The following ACTL8 variants were observed in gnomAD, a reference collection of about 807,000 sequenced individuals.
ACTL8 encodes the protein actin like 8.
In ACTL8, 3 loss-of-function variants were observed where a neutral mutation model predicts 9.3. The observed-to-expected ratio is 0.32, with a 90% confidence interval of 0.15 to 0.83. ACTL8 has a LOEUF of 0.83. ACTL8 is among the 40% of genes least tolerant of loss of function. ACTL8 has a pLI of 0.57. For missense variants in ACTL8, 381 were observed against 492.2 expected (o/e 0.77, Z 2.14); for synonymous variants, 224 against 205.9 (o/e 1.09, Z -0.75).
intron 1 of ACTL8, among the ~76,000 whole-genome samples, chr1:17,768,698 G>A (rs888457419): frequency 5.3e-5 from 8 of 152,206 alleles, no homozygotes; most frequent in African/African-American, 1.9e-4. Flanking sequence ...CCTGGAATAG[G>A]AGGGGCGTTT....
intron 1 of ACTL8, among the ~76,000 whole-genome samples, chr1:17,812,967 A>G (rs1208734506): frequency 6.6e-6 from 1 of 152,254 alleles, no homozygotes; most frequent in Admixed American, 6.5e-5. Context: ...TATATAAAAT[A>G]TAATTGGTTT....
chr1:17,791,238 C>T (rs1454781397), intron 1 of ACTL8, among the ~76,000 whole-genome samples: 1 of 152,176 alleles, frequency 6.6e-6, no homozygotes, highest in Admixed American at 6.5e-5. Context: ...CCCCAGCTCC[C>T]GCCAGCTCCA....
At chr1:17,764,259 C>T (rs939352448) in intron 1 of ACTL8, among the ~76,000 whole-genome samples, 15 of 152,062 alleles carry the variant, frequency 9.9e-5, no homozygotes, top group African/African-American at 1.9e-4. Context: ...GTGCACAGGC[C>T]GGCCCCTGCT....
rs1383914234 is a variant in ACTL8 at position 17,823,191 on chromosome 1, C to T, written c.183C>T (p.Asp61=). Residue 61 remains aspartate (D), a synonymous_variant, in exon 2 of 3, where the codon GAC becomes GAT. Transcript: ENST00000375406. The surrounding 1 kb of genome is among the most constrained non-coding windows in gnomAD (Gnocchi z 5.3). The part of the protein sequence containing the change: ...VSLGIDICHP[D]TFSYPIERGR... ...TGGGCATCGACATTTGCCATCCTGACACCTTTAGCTACCCCATCGAGCGGG... is the reference window on the plus strand; with the variant it reads ...TGGGCATCGACATTTGCCATCCTGATACCTTTAGCTACCCCATCGAGCGGG... The T allele has an allele frequency of 6.2e-7, 1 of 1,614,222 alleles. No homozygotes were observed. Among genetic ancestry groups the T allele is most frequent in the Non-Finnish European group, 8.5e-7 (1 of 1,180,046 alleles).
intron 1 of ACTL8, among the ~76,000 whole-genome samples, chr1:17,757,806 G>A (rs1439009689): frequency 2.0e-5 from 3 of 152,146 alleles, no homozygotes; most frequent in East Asian, 1.9e-4. Flanking sequence ...GCATTGATAC[G>A]GGCACACTCA....
At chr1:17,764,587 G>T (rs1374898133) in intron 1 of ACTL8, among the ~76,000 whole-genome samples, 1 of 150,948 alleles carries the variant, frequency 6.6e-6, no homozygotes, top group Non-Finnish European at 1.5e-5. Flanking sequence ...CCCCCCCACA[G>T]CATCTCTCAT....
At chr1:17,801,968 C>G (rs2066325609) in intron 1 of ACTL8, among the ~76,000 whole-genome samples, 2 of 152,082 alleles carry the variant, frequency 1.3e-5, no homozygotes, top group Non-Finnish European at 2.9e-5. Flanking sequence ...TCGAAATGTT[C>G]CCAAGCTGCA....
intron 1 of ACTL8, among the ~76,000 whole-genome samples, chr1:17,821,811 A>G (rs996975866): frequency 1.3e-5 from 2 of 152,142 alleles, no homozygotes; most frequent in African/African-American, 4.8e-5. Context: ...CTTCTAGTAG[A>G]GATGGGGTTT....
intron 1 of ACTL8, among the ~76,000 whole-genome samples, chr1:17,763,134 C>T (rs1055566990): frequency 6.6e-6 from 1 of 152,102 alleles, no homozygotes; most frequent in Non-Finnish European, 1.5e-5. Context: ...CCTGCGGGTC[C>T]CCAGACACTG....
rs368342276 is a variant in ACTL8 at position 17,798,952 on chromosome 1, CTCTG to C, written c.-24-24028_-24-24025del. Among the ~76,000 whole-genome samples the C allele has an allele frequency of 5.0e-3, 760 of 152,358 alleles. 7 individuals carry two copies. The highest frequency in any genetic ancestry group is 0.017 in the African/African-American group (690 of 41,578). ...ATCTACCCCACACGCTGTTTGAAAGCTCTGTCTGCACTGCTGTGAAGTCCACTCA... is the reference window on the plus strand; with the variant it reads ...ATCTACCCCACACGCTGTTTGAAAGCTCTGCACTGCTGTGAAGTCCACTCA... On this transcript the variant is annotated intron_variant, in intron 1 of 2. Coordinates refer to ENST00000375406, the MANE Select transcript of ACTL8 (RefSeq NM_030812.3).
chr1:17,805,377 C>CTTTTTTTTTTTTTTTTT (rs56870755), intron 1 of ACTL8, among the ~76,000 whole-genome samples: 5 of 100,198 alleles, frequency 5.0e-5, no homozygotes, highest in African/African-American at 8.9e-5. Context: ...TTTTCTTTTT[C>CTTTTTTTTTTTTTTTTT]TTTTTTTTTT....
chr1:17,780,849 C>T (rs1313431980), intron 1 of ACTL8, among the ~76,000 whole-genome samples: 2 of 152,112 alleles, frequency 1.3e-5, no homozygotes, highest in African/African-American at 2.4e-5. Context: ...CCTGGACATT[C>T]AGATTTGGCA....
chr1:17,799,018 C>T (rs1227223912), intron 1 of ACTL8, among the ~76,000 whole-genome samples: 1 of 152,198 alleles, frequency 6.6e-6, no homozygotes, highest in Non-Finnish European at 1.5e-5. Context: ...CTGGCTCAGC[C>T]TCTCCCTAAG....
intron 1 of ACTL8, among the ~76,000 whole-genome samples, chr1:17,822,280 T>C (rs982477339): frequency 1.3e-5 from 2 of 152,286 alleles, no homozygotes; most frequent in African/African-American, 4.8e-5. Flanking sequence ...TCTTCATCTG[T>C]AAAGTGGACG....
At chr1:17,788,512 A>G (rs2066214641) in intron 1 of ACTL8, among the ~76,000 whole-genome samples, 1 of 152,232 alleles carries the variant, frequency 6.6e-6, no homozygotes, top group African/African-American at 2.4e-5. Context: ...ACTGCCTGCC[A>G]TGGACGGCCT....
rs141035997 is a variant in ACTL8, at chr1:17,772,295, G to C, written c.-25+16791G>C. Among the ~76,000 whole-genome samples the C allele has an allele frequency of 3.6e-4, 55 of 152,294 alleles. No homozygotes were observed. The East Asian group carries it at 0.01, about 28-fold the overall frequency. ...GCACTTTGGATCGGGAGTTATGAGC[G>C]GTGGGAGGGTCTTTTCTAGATAGGG... On this transcript the variant is annotated intron_variant, in intron 1 of 2. Coordinates refer to ENST00000375406, the MANE Select transcript of ACTL8 (RefSeq NM_030812.3).
chr1:17,759,242 T>G (rs1426466450), intron 1 of ACTL8, among the ~76,000 whole-genome samples: 1 of 152,226 alleles, frequency 6.6e-6, no homozygotes, highest in Non-Finnish European at 1.5e-5. Flanking sequence ...TTTCTCCCTG[T>G]CCAGGCAGCA....
At chr1:17,814,505 C>T (rs2066412531) in intron 1 of ACTL8, among the ~76,000 whole-genome samples, 2 of 151,446 alleles carry the variant, frequency 1.3e-5, no homozygotes, top group Non-Finnish European at 2.9e-5. Flanking sequence ...CACGCCATAC[C>T]CGTTTGTAGC....
At chr1:17,820,354 T>C (rs1232561548) in intron 1 of ACTL8, among the ~76,000 whole-genome samples, 1 of 152,210 alleles carries the variant, frequency 6.6e-6, no homozygotes, top group African/African-American at 2.4e-5. Context: ...CATTCTGTTT[T>C]ATTACCAGGT....
Sources: allele counts gnomAD v4.1 joint callset (sites outside exome capture counted in the v4.1 genomes callset), GRCh38; gene constraint gnomAD v4.1.1; non-coding constraint Gnocchi (gnomAD v3.1); transcripts MANE v1.5; gene names NCBI Gene and HGNC (gene_info 2026-07-23, HGNC 2026-07-21).